Variants in AHNAK observed in about 807,000 individuals in gnomAD.
AHNAK encodes the protein AHNAK nucleoprotein.
Under a neutral mutation model 37.8 loss-of-function variants are expected in AHNAK, and 23 were observed. The ratio of observed to expected loss-of-function variants is 0.61; its 90% CI spans 0.44 to 0.86. The LOEUF (loss-of-function observed/expected upper bound fraction) is 0.86. Ranked by LOEUF, AHNAK falls within the 40% of genes least tolerant of loss-of-function variation. The probability of loss-of-function intolerance (pLI) is 0.00; values close to 1 mark genes in which losing one functional copy is unlikely to be tolerated. For synonymous variants in AHNAK, 2,481 were observed against 2,636.3 expected, an observed-to-expected ratio of 0.94 and a Z score of 1.80; for missense variants, 7,411 against 7,319.4, an observed-to-expected ratio of 1.01 and a Z score of -0.46.
chr11:62,537,909 C>A (rs1379387384), intron 1 of AHNAK, among the ~76,000 whole-genome samples: 1 of 152,072 alleles, frequency 6.6e-6, no homozygotes, highest in African/African-American at 2.4e-5. Flanking sequence ...GTCTTGAACT[C>A]CTGACCCTGT....
intron 5 of AHNAK, among the ~76,000 whole-genome samples, chr11:62,474,846 C>A (rs1233558631): frequency 6.6e-6 from 1 of 152,150 alleles, no homozygotes; most frequent in East Asian, 1.9e-4. Flanking sequence ...CCTTCTCCCA[C>A]CTTCAGGCCT....
rs583667 is a variant in AHNAK, at chr11:62,525,093, G to A, written c.9324C>T (p.Asp3108=). Residue 3108 remains aspartate (D), a synonymous_variant, in exon 5 of 5, where the codon GAC becomes GAT. Transcript: ENST00000378024. ...LNLKGPKVKG[D]MDVSLPKVEG... ...CCACTTTTGGCAGAGACACATCCATGTCACCCTTCACTTTGGGACCTTTCA... is the reference window on the plus strand; with the variant it reads ...CCACTTTTGGCAGAGACACATCCATATCACCCTTCACTTTGGGACCTTTCA... 1.4e-5 allele frequency: 23 copies of A among 1,613,788 alleles called. No individual in the cohort carries two copies. Among genetic ancestry groups the A allele is most frequent in the East Asian group, 1.3e-4 (6 of 44,844 alleles).
chr11:62,445,651 C>A (rs372401184), intron 5 of AHNAK, among the ~76,000 whole-genome samples: 32 of 152,258 alleles, frequency 2.1e-4, no homozygotes, highest in East Asian at 1.2e-3. Flanking sequence ...CACGGAAGGT[C>A]AAGGCTATAG....
intron 5 of AHNAK, among the ~76,000 whole-genome samples, chr11:62,481,906 T>G (rs936430387): frequency 1.3e-5 from 2 of 152,054 alleles, no homozygotes; most frequent in East Asian, 1.9e-4. Context: ...ACCCTCTGCC[T>G]TGATGTTAAG....
rs368346068 is a variant in AHNAK at position 62,453,885 on chromosome 11, G to C, written c.443-19994C>G. On this transcript the variant is annotated intron_variant, in intron 5 of 5. Coordinates refer to the AHNAK transcript ENST00000257247. ...GCCTGTAATTCCAGCACTTTGGGAG[G>C]TCGAGGCAGGCGGATCACAAGGAAC... Among the ~76,000 whole-genome samples, 13 of 152,310 alleles carry C rather than the reference G, an allele frequency of 8.5e-5. No homozygotes were observed. The East Asian group carries it at 2.5e-3, about 29-fold the overall frequency.
intron 4 of AHNAK, among the ~76,000 whole-genome samples, chr11:62,495,300 G>GA (rs958562168): frequency 3.2e-4 from 49 of 151,874 alleles, no homozygotes; most frequent in Admixed American, 2.2e-3. Context: ...ATGAAAGAAG[G>GA]AAAAAAAATC....
rs1204835045 is a variant in AHNAK at position 62,484,591 on chromosome 11, A to G, written c.442+7141T>C. 3.3e-5 allele frequency among the ~76,000 whole-genome samples: 5 copies of G among 152,262 alleles called. No individual in the cohort carries two copies. The East Asian group carries it at 5.8e-4, about 18-fold the overall frequency. ...AAGCTTGGCTGCCAGATCAAGGAAC[A>G]GCAAGGAGCCCCTGTGGCCAGAGCT... On this transcript the variant is annotated intron_variant, in intron 5 of 5. Transcript: ENST00000257247.
exon 6 of AHNAK, chr11:62,433,756 A>T: frequency 7.4e-7 from 1 of 1,348,374 alleles, no homozygotes. Context: ...CGCGGAAGGT[A>T]TTCCTTTAAC....
downstream of AHNAK, among the ~76,000 whole-genome samples, chr11:62,512,209 C>T (rs1015644721): frequency 7.2e-5 from 11 of 152,168 alleles, no homozygotes; most frequent in African/African-American, 1.7e-4. This position sits in a 1 kb window ranked among gnomAD's most constrained non-coding sequence, Gnocchi z 4.0. Flanking sequence ...CTTCTCTGCC[C>T]GACTCTGTGC....
intron 5 of AHNAK, among the ~76,000 whole-genome samples, chr11:62,458,658 C>T (rs1938720031): frequency 6.6e-6 from 1 of 152,170 alleles, no homozygotes; most frequent in Admixed American, 6.5e-5. Context: ...CCCTACCTGG[C>T]TTCTTCTGCC....
Position 62,517,581 on chromosome 11 carries a change from C to T in AHNAK, c.16836G>A (p.Lys5612=). Residue 5612 remains lysine, a synonymous_variant, in exon 5 of 5, where the codon AAG becomes AAA. Coordinates refer to ENST00000378024, the MANE Select transcript of AHNAK (RefSeq NM_001620.3). ...CTGAGAAATGAAGGCCCCCAGCAAA[C>T]TTAGATGTGTCCAAGTTGAGAGCAG... is the stretch of plus-strand genomic sequence containing the variant. ...VSSALNLDTS[K]FAGGLHFSGP... The T allele has an allele frequency of 6.2e-7, 1 of 1,614,188 alleles. No individual in the cohort carries two copies. The highest frequency in any genetic ancestry group is 1.1e-5 in the South Asian group (1 of 91,084).
In AHNAK at chr11:62,526,986, C is replaced by T. The variant is rs1285222947; in HGVS notation, c.7431G>A (p.Glu2477=). The T allele has an allele frequency of 1.9e-6, 3 of 1,613,948 alleles. No homozygotes were observed. The highest frequency in any genetic ancestry group is 2.2e-5 in the South Asian group (2 of 91,060). ...CTGGTACTTCAAGTTTACCTTCTAC[C>T]TCAGGCACAGACACATCCACATCCC... ...IKGDVDVSVP[E]VEGKLEVPDM... Residue 2477 remains glutamate (E), a synonymous_variant, in exon 5 of 5, where the codon GAG becomes GAA. Transcript: ENST00000378024.
At position 62,524,327 on chromosome 11, in the gene AHNAK, C is replaced by T. The variant is rs1203850905; in HGVS notation, c.10090G>A (p.Val3364Ile). 1 of 1,613,704 alleles carries T rather than the reference C, an allele frequency of 6.2e-7. No homozygotes were observed. The highest frequency in any genetic ancestry group is 8.5e-7 in the Non-Finnish European group (1 of 1,179,936). ...LPKFNFSGSK[V>I]QTPEVDVKGK... is the part of the protein sequence containing the mutation. ...TTGACATCCACTTCAGGTGTCTGAA[C>T]TTTAGAGCCCGAAAAATTAAATTTG... Residue 3364 changes from valine (V) to isoleucine (I), a missense_variant, in exon 5 of 5, where the codon GTT becomes ATT. By Grantham distance (29) the Val-to-Ile change is conservative (BLOSUM62 3). Coordinates refer to ENST00000378024, the MANE Select transcript of AHNAK (RefSeq NM_001620.3).
Position 62,532,525 on chromosome 11 carries a change from A to G in AHNAK, c.1892T>C (p.Met631Thr), listed in dbSNP as rs746044392. 2 of 1,613,864 alleles carry G rather than the reference A, an allele frequency of 1.2e-6. No homozygotes were observed. The highest frequency in any genetic ancestry group is 2.2e-5 in the East Asian group (1 of 44,868). The change falls in exon 5 of 5, where the codon ATG (methionine) becomes ACG (threonine). Residue 631 changes from methionine to threonine, a missense_variant. Coordinates refer to ENST00000378024, the MANE Select transcript of AHNAK (RefSeq NM_001620.3). ...TGGAGTGCTGAACGTGGGCATTTTC[A>G]TCTTGGGCATTTTCAGGTTCCATTC... Reference protein sequence around the residue: ...GPEWNLKMPKMKMPTFSTPGA... With the variant: ...GPEWNLKMPKTKMPTFSTPGA...
Position 62,525,708 on chromosome 11 carries a change from G to A in AHNAK, c.8709C>T (p.Ser2903=), listed in dbSNP as rs1209653021. 8.1e-6 allele frequency: 13 copies of A among 1,613,440 alleles called. No homozygotes were observed. The highest frequency in any genetic ancestry group is 1.1e-5 in the Non-Finnish European group (13 of 1,179,916). Residue 2903 remains serine (S), a synonymous_variant, in exon 5 of 5, where the codon AGC becomes AGT. Transcript: ENST00000378024. The part of the protein sequence containing the change: ...KMPKMKMPKF[S]MPGFKAEGPE... ...GGCCCTCTGCTTTGAAGCCAGGCAT[G>A]CTGAACTTGGGCATTTTCATCTTGG... is the stretch of plus-strand genomic sequence containing the variant.
intron 5 of AHNAK, among the ~76,000 whole-genome samples, chr11:62,469,132 CT>C (rs1938977605): frequency 1.3e-5 from 2 of 152,044 alleles, no homozygotes; most frequent in South Asian, 4.2e-4. Context: ...TTTCCTTTTT[CT>C]TTTTTTGAGT....
rs114233286 is a variant in AHNAK, at chr11:62,529,938, A to G, written c.4479T>C (p.Asp1493=). The G allele has an allele frequency of 1.6e-3, 2,556 of 1,602,362 alleles. 45 individuals are homozygous for G. In the African/African-American group the frequency reaches 0.031, roughly 20 times the overall value. ...GAACCTCCACATCTGGTGCATTAAT[A>G]TCAACTTTGGGGCCTTTGATGTCAA... ...PDVDIKGPKV[D]INAPDVEVHG... The change falls in exon 5 of 5, where the codon GAT becomes GAC. Residue 1493 remains aspartate, a synonymous_variant. Coordinates refer to ENST00000378024, the MANE Select transcript of AHNAK (RefSeq NM_001620.3).
In AHNAK at chr11:62,516,180, C is replaced by T. The variant is rs1245004436; in HGVS notation, c.*564G>A. 1.6e-6 allele frequency: 2 copies of T among 1,289,034 alleles called. No homozygotes were observed. The highest frequency in any genetic ancestry group is 3.0e-5 in the African/African-American group (2 of 65,802). The allele number at this position is 1,289,034 out of a possible 1,614,324, so 79.8% of individuals were successfully genotyped here. A position where few individuals can be genotyped will look rare whatever the true frequency, so the allele number is the denominator to read the frequency against. On this transcript the variant is annotated 3_prime_UTR_variant, in exon 5 of 5. Coordinates refer to ENST00000378024, the MANE Select transcript of AHNAK (RefSeq NM_001620.3). ...GCACCAAACTGGCTGGGACCACCAC[C>T]CCTGGGTGAAAGAAACAACACTAAA...
chr11:62,480,400 G>A (rs112564456), intron 5 of AHNAK, among the ~76,000 whole-genome samples: 107 of 152,118 alleles, frequency 7.0e-4, no homozygotes, highest in African/African-American at 2.2e-3. Flanking sequence ...AGTGACTCAC[G>A]CCTGTAATCC....
Sources: allele counts gnomAD v4.1 joint callset (sites outside exome capture counted in the v4.1 genomes callset), GRCh38; gene constraint gnomAD v4.1.1; non-coding constraint Gnocchi (gnomAD v3.1); transcripts MANE v1.5; gene names NCBI Gene and HGNC (gene_info 2026-07-23, HGNC 2026-07-21).